The following CAMK2G variants were observed in gnomAD, a reference collection of about 807,000 sequenced individuals.
The protein encoded by CAMK2G is calcium/calmodulin dependent protein kinase II gamma, also known as calcium/calmodulin-dependent protein kinase type II subunit gamma.
In CAMK2G, 23 loss-of-function variants were observed where a neutral mutation model predicts 88.7. That is an observed-to-expected ratio of 0.26 (90% CI 0.19 to 0.37). The LOEUF is 0.37. Among genes scored for constraint, CAMK2G ranks in the 10% least tolerant of loss-of-function variants. The pLI is 1.00. For missense variants in CAMK2G, 476 were observed against 780.8 expected, an observed-to-expected ratio of 0.61 and a Z score of 4.65; for synonymous variants, 263 against 294.8, an observed-to-expected ratio of 0.89 and a Z score of 1.11.
chr10:73,838,341 C>T (rs2633311), intron 13 of CAMK2G, among the ~76,000 whole-genome samples: 79,353 of 152,076 alleles, frequency 0.52, 21,829 homozygotes, highest in East Asian at 0.88. Context: ...TGCCCTGGGT[C>T]TGTATCTTGG....
At chr10:73,837,586 C>A in intron 13 of CAMK2G, 75 bp from the exon 14 acceptor site, 1 of 1,177,562 alleles carries the variant, frequency 8.5e-7, no homozygotes, top group Non-Finnish European at 1.3e-6. Flanking sequence ...CAGCCAGATC[C>A]ACAAGAGAGT....
chr10:73,826,383 A>G (rs1394150059), intron 15 of CAMK2G, among the ~76,000 whole-genome samples: 1 of 152,130 alleles, frequency 6.6e-6, no homozygotes, highest in Non-Finnish European at 1.5e-5. Flanking sequence ...CAGTGAGCCA[A>G]GATTGCACCA....
At chr10:73,822,246 C>G (rs1056496842) in intron 17 of CAMK2G, among the ~76,000 whole-genome samples, 5 of 152,210 alleles carry the variant, frequency 3.3e-5, no homozygotes, top group Admixed American at 6.5e-5. Flanking sequence ...CGGCTCACTG[C>G]AACCTCTGCC....
chr10:73,873,835 T>C (rs2095955443), intron 1 of CAMK2G, among the ~76,000 whole-genome samples: 1 of 67,410 alleles, frequency 1.5e-5, no homozygotes, highest in African/African-American at 6.1e-5. Context: ...AGGGGGATGC[T>C]GAGGCTGCGG....
rs958218014 is a variant in CAMK2G at position 73,839,675 on chromosome 10, C to T, written c.947-74G>A. On this transcript the variant is annotated intron_variant, in intron 12 of 22. Transcript: ENST00000423381. This position sits in a 1 kb window ranked among gnomAD's most constrained non-coding sequence, Gnocchi z 4.2. ...GCCGTCAGCAGCGAGCATGCCCCAGCGCGAGGCGCAGCCCAGGCGGCGTGG... is the reference window on the plus strand; with the variant it reads ...GCCGTCAGCAGCGAGCATGCCCCAGTGCGAGGCGCAGCCCAGGCGGCGTGG... 2.1e-5 allele frequency: 20 copies of T among 963,100 alleles called. No homozygotes were observed. In the South Asian group the frequency reaches 2.6e-4, roughly 13 times the overall value. 59.7% of individuals were successfully genotyped at this position (963,100 alleles called of 1,614,324 possible). A position where few individuals can be genotyped will look rare whatever the true frequency, so the allele number is the denominator to read the frequency against.
In CAMK2G at chr10:73,844,260, G is replaced by GTT. The variant is rs879609599; in HGVS notation, c.820-1721_820-1720dup. Reference sequence around the variant, plus strand: ...TTACCACAACCAGCTAATTTTTAAAGTTTTTTTTTTTGTAGAGATGGGGTT... The same window carrying GTT: ...TTACCACAACCAGCTAATTTTTAAAGTTTTTTTTTTTTTGTAGAGATGGGGTT... On this transcript the variant is annotated intron_variant, in intron 10 of 22. Transcript: ENST00000423381. Among the ~76,000 whole-genome samples the GTT allele has an allele frequency of 7.6e-5, 11 of 144,864 alleles. No homozygotes were observed. The South Asian group carries it at 2.0e-3, about 26-fold the overall frequency.
At position 73,848,253 on chromosome 10, in the gene CAMK2G, C is replaced by T. The variant is rs987184430; in HGVS notation, c.602-171G>A. On this transcript the variant is annotated intron_variant, in intron 8 of 22. Transcript: ENST00000423381. This position sits in a 1 kb window ranked among gnomAD's most constrained non-coding sequence, Gnocchi z 4.5. ...CCAGCCCCTCCTGCTATGCCTCACA[C>T]TTCACGTCACCAAGTCACACCAGGG... is the stretch of plus-strand genomic sequence containing the variant. 2.6e-5 allele frequency among the ~76,000 whole-genome samples: 4 copies of T among 152,228 alleles called. No individual in the cohort carries two copies. Among genetic ancestry groups the T allele is most frequent in the Non-Finnish European group, 5.9e-5 (4 of 68,042 alleles).
rs1018919986 is a variant in CAMK2G, at chr10:73,813,753, T to C, written c.*765A>G. 6.5e-6 allele frequency: 1 copy of C among 152,706 alleles called. No homozygotes were observed. The highest frequency in any genetic ancestry group is 1.5e-5 in the Non-Finnish European group (1 of 68,060). The allele number at this position is 152,706 out of a possible 1,614,324, so 9.5% of individuals were successfully genotyped here. On this transcript the variant is annotated 3_prime_UTR_variant, in exon 23 of 23. Coordinates refer to ENST00000423381, the MANE Select transcript of CAMK2G (RefSeq NM_001367534.1). The stretch of plus-strand genomic sequence containing the variant: ...GGGCCCACATGCATTGTGCATCCTA[T>C]AGAAATGGATGAGTGAGTGCATGTC...
intron 2 of CAMK2G, among the ~76,000 whole-genome samples, chr10:73,865,385 C>T (rs2095548022): frequency 6.6e-6 from 1 of 152,198 alleles, no homozygotes; most frequent in Admixed American, 6.5e-5. Flanking sequence ...TGGCACCCTG[C>T]CATCCACAAG....
chr10:73,829,796 T>C (rs192424108), intron 14 of CAMK2G, among the ~76,000 whole-genome samples: 2 of 152,020 alleles, frequency 1.3e-5, no homozygotes, highest in African/African-American at 4.8e-5. Flanking sequence ...TCCTATCTTA[T>C]GTGTCTTTAC....
chr10:73,838,125 AG>A (rs2134210277), intron 13 of CAMK2G, among the ~76,000 whole-genome samples: 1 of 152,304 alleles, frequency 6.6e-6, no homozygotes, highest in Non-Finnish European at 1.5e-5. Flanking sequence ...ACCTGTGAGC[AG>A]GAAGGACTCG....
intron 4 of CAMK2G, 139 bp downstream of exon 4, chr10:73,853,053 C>T: frequency 1.3e-6 from 1 of 768,394 alleles, no homozygotes; most frequent in Admixed American, 2.5e-5. Flanking sequence ...CAGCAATCTG[C>T]CCCAGTCAAA....
At chr10:73,823,846 G>A (rs1253785383) in intron 17 of CAMK2G, among the ~76,000 whole-genome samples, 194 bp downstream of exon 17, 2 of 152,212 alleles carry the variant, frequency 1.3e-5, no homozygotes, top group Non-Finnish European at 2.9e-5. Context: ...GACCAGGTCT[G>A]TCTGACTGCA....
At chr10:73,834,110 GGGTTTCACC>G in intron 14 of CAMK2G, among the ~76,000 whole-genome samples, 1 of 151,240 alleles carries the variant, frequency 6.6e-6, no homozygotes, top group South Asian at 2.1e-4. Flanking sequence ...AGTAGAGATG[GGGTTTCACC>G]GTGTTAGCCA....
chr10:73,816,978 G>T (rs762186648), intron 21 of CAMK2G, 45 bp downstream of exon 21: 3 of 1,613,864 alleles, frequency 1.9e-6, no homozygotes, highest in African/African-American at 2.7e-5. Flanking sequence ...AGACAAAGGG[G>T]TAAAGGGGCA....
At chr10:73,832,568 G>A (rs2092621676) in intron 14 of CAMK2G, among the ~76,000 whole-genome samples, 1 of 152,120 alleles carries the variant, frequency 6.6e-6, no homozygotes, top group South Asian at 2.1e-4. Flanking sequence ...GGCTCCCAAA[G>A]TGCTGGGATT....
chr10:73,815,833 A>G (rs1480834715), intron 21 of CAMK2G: 2 of 985,424 alleles, frequency 2.0e-6, no homozygotes, highest in East Asian at 2.3e-4. Flanking sequence ...TCTGGGGAAA[A>G]GGCAAAAGAA....
intron 14 of CAMK2G, among the ~76,000 whole-genome samples, chr10:73,834,436 G>A (rs951552728): frequency 6.6e-6 from 1 of 152,136 alleles, no homozygotes. Flanking sequence ...ACAACACATT[G>A]CAGGGCTAGG....
chr10:73,819,467 G>A, intron 19 of CAMK2G, 65 bp downstream of exon 19: 1 of 1,130,098 alleles, frequency 8.8e-7, no homozygotes, highest in Non-Finnish European at 1.3e-6. Flanking sequence ...TGTGGTGGGG[G>A]TCCCTGAGGG....
Sources: allele counts gnomAD v4.1 joint callset (sites outside exome capture counted in the v4.1 genomes callset), GRCh38; gene constraint gnomAD v4.1.1; non-coding constraint Gnocchi (gnomAD v3.1); transcripts MANE v1.5; gene names NCBI Gene and HGNC (gene_info 2026-07-23, HGNC 2026-07-21).